The following SNX29 variants were observed in gnomAD, a reference collection of about 807,000 sequenced individuals.
SNX29 encodes sorting nexin 29.
Under a neutral mutation model 102.1 loss-of-function variants are expected in SNX29, and 78 were observed. The ratio of observed to expected loss-of-function variants is 0.76; its 90% CI spans 0.64 to 0.92. The LOEUF is 0.92. Ranked by LOEUF, SNX29 falls within the 40% of genes least tolerant of loss-of-function variation. The probability of loss-of-function intolerance (pLI) is 0.00; values close to 1 mark genes in which losing one functional copy is unlikely to be tolerated. For synonymous variants in SNX29, 580 were observed against 414.5 expected (o/e 1.40, Z -4.85); for missense variants, 1,280 against 1,061.7 (o/e 1.21, Z -2.86).
intron 20 of SNX29, among the ~76,000 whole-genome samples, chr16:12,552,460 C>T (rs1165727901): frequency 2.6e-5 from 4 of 152,174 alleles, no homozygotes; most frequent in Admixed American, 1.3e-4. Context: ...ACCTCGGGTC[C>T]ATCTCATCAC....
At chr16:12,516,227 C>G (rs1046929156) in intron 19 of SNX29, among the ~76,000 whole-genome samples, 11 of 152,278 alleles carry the variant, frequency 7.2e-5, no homozygotes, top group Non-Finnish European at 8.8e-5. Context: ...CACCTGTGAT[C>G]TCAGCACTCT....
intron 20 of SNX29, among the ~76,000 whole-genome samples, chr16:12,558,943 C>A (rs542737709): frequency 3.3e-5 from 5 of 152,190 alleles, no homozygotes; most frequent in Non-Finnish European, 4.4e-5. Context: ...GGGTTGATAT[C>A]GGCCCCATGT....
rs9673974 is a variant in SNX29 at position 12,572,345 on chromosome 16, T to A, written c.*3716T>A. ...GAGTGAAGCCCACCAGCCTGCCTGG[T>A]TGATGGACAGCAGGCTCTGCCTTCT... On this transcript the variant is annotated 3_prime_UTR_variant, in exon 21 of 21. Transcript: ENST00000566228. 2,688 of 1,062,936 alleles carry A rather than the reference T, an allele frequency of 2.5e-3. 10 individuals are homozygous for A. Among genetic ancestry groups the A allele is most frequent in the Admixed American group, 3.2e-3 (60 of 18,686 alleles). 65.8% of individuals were successfully genotyped at this position (1,062,936 alleles called of 1,614,324 possible). A position where few individuals can be genotyped will look rare whatever the true frequency, so the allele number is the denominator to read the frequency against.
Position 11,982,332 on chromosome 16 carries a change from A to G in SNX29, c.7+5519A>G, listed in dbSNP as rs192598120. Among the ~76,000 whole-genome samples the G allele has an allele frequency of 5.3e-5, 8 of 152,188 alleles. No individual in the cohort carries two copies. In the East Asian group the frequency reaches 1.4e-3, roughly 26 times the overall value. On this transcript the variant is annotated intron_variant, in intron 1 of 20. Transcript: ENST00000566228. ...GATATGTGTTTGTTGTTACTGGGAAAGTAGAACTCGTAGAGCCAGAAAGTC... is the reference window on the plus strand; with the variant it reads ...GATATGTGTTTGTTGTTACTGGGAAGGTAGAACTCGTAGAGCCAGAAAGTC...
intron 13 of SNX29, among the ~76,000 whole-genome samples, chr16:12,191,062 G>C (rs1012681598): frequency 2.0e-5 from 3 of 152,154 alleles, no homozygotes; most frequent in African/African-American, 7.2e-5. Context: ...ATGGGGATGG[G>C]TTGGTGGAAT....
chr16:12,365,358 G>GTGTGTGTGTGTGTGTA lies in SNX29; in HGVS notation c.1899+9086_1899+9087insGTGTGTGTATGTGTGT, dbSNP rs1485263456. On this transcript the variant is annotated intron_variant, in intron 16 of 20. Transcript: ENST00000566228. ...TGTGTGTGTGTGTGTGTGTGTGTGTGTGTGTGTTTAGCATACTCATCACAT... is the reference window on the plus strand; with the variant it reads ...TGTGTGTGTGTGTGTGTGTGTGTGTGTGTGTGTGTGTGTGTATGTGTGTTTAGCATACTCATCACAT... Among the ~76,000 whole-genome samples the GTGTGTGTGTGTGTGTA allele has an allele frequency of 6.8e-3, 1,020 of 150,426 alleles. 22 individuals are homozygous for GTGTGTGTGTGTGTGTA. In the East Asian group the frequency reaches 0.074, roughly 11 times the overall value.
chr16:12,126,511 G>T (rs2054219996), intron 11 of SNX29, 122 bp from the exon 12 acceptor site: 3 of 1,009,374 alleles, frequency 3.0e-6, no homozygotes, highest in African/African-American at 1.6e-5. Context: ...AGTTATTTTT[G>T]AAAGGGAAAA....
At chr16:12,054,006 C>T (rs1265020262) in intron 8 of SNX29, among the ~76,000 whole-genome samples, 2 of 148,846 alleles carry the variant, frequency 1.3e-5, no homozygotes, top group African/African-American at 2.5e-5. Flanking sequence ...CTTGCTCTGT[C>T]GCCCAGGCTG....
At chr16:12,482,968 CTCCCTGGAGGTG>C (rs1414709701) in intron 19 of SNX29, among the ~76,000 whole-genome samples, 24 of 152,280 alleles carry the variant, frequency 1.6e-4, no homozygotes, top group Middle Eastern at 3.4e-3. Context: ...ACCCAGAGCT[CTCCCTGGAGGTG>C]TCCATGCCTT....
chr16:12,295,684 A>C (rs2079958172), intron 15 of SNX29, among the ~76,000 whole-genome samples: 1 of 152,150 alleles, frequency 6.6e-6, no homozygotes, highest in African/African-American at 2.4e-5. Context: ...GTTTCAATTC[A>C]CTTATTTCTC....
intron 18 of SNX29, among the ~76,000 whole-genome samples, chr16:12,423,589 G>A (rs1011906612): frequency 6.6e-6 from 1 of 152,018 alleles, no homozygotes; most frequent in Non-Finnish European, 1.5e-5. Context: ...TCTTCTTCTC[G>A]AGATGGAGTC....
intron 20 of SNX29, among the ~76,000 whole-genome samples, chr16:12,536,817 A>G (rs1209543275): frequency 2.0e-5 from 3 of 152,088 alleles, no homozygotes; most frequent in African/African-American, 4.8e-5. Flanking sequence ...CTCTATTAAA[A>G]CTGCAAAAAT....
rs537127373 is a variant in SNX29, at chr16:12,301,535, G to T, written c.1782+23499G>T. 1.4e-3 allele frequency among the ~76,000 whole-genome samples: 212 copies of T among 152,318 alleles called. 1 individual carries two copies. The highest frequency in any genetic ancestry group is 2.6e-3 in the Non-Finnish European group (179 of 68,028). On this transcript the variant is annotated intron_variant, in intron 15 of 20. Coordinates refer to ENST00000566228, the MANE Select transcript of SNX29 (RefSeq NM_032167.5). The stretch of plus-strand genomic sequence containing the variant: ...CCTGGCAGTCCAGTCTGATCCAATG[G>T]TGCCTTCTGTCTGACTAATCCATTG...
At chr16:12,464,131 C>T (rs1249638055) in intron 18 of SNX29, among the ~76,000 whole-genome samples, 3 of 151,662 alleles carry the variant, frequency 2.0e-5, no homozygotes, top group East Asian at 1.9e-4. Flanking sequence ...CTTTCTGTGT[C>T]TGGCTTATTT....
intron 15 of SNX29, among the ~76,000 whole-genome samples, chr16:12,347,114 G>A (rs1040412760): frequency 1.3e-5 from 2 of 152,098 alleles, no homozygotes. Context: ...TGAGTGCTGA[G>A]GGGCTTGTTG....
intron 20 of SNX29, chr16:12,560,899 T>C (rs3751784): frequency 0.35 from 68,210 of 193,552 alleles, 15,011 homozygotes; most frequent in African/African-American, 0.62. Flanking sequence ...GCAGTGGCTT[T>C]TTTAATCCTT....
intron 15 of SNX29, among the ~76,000 whole-genome samples, chr16:12,310,118 A>ATACACACATG (rs1555508509): frequency 3.6e-5 from 1 of 27,748 alleles, no homozygotes; most frequent in South Asian, 4.2e-4. Flanking sequence ...ATACACGTGC[A>ATACACACATG]CGCACACATG....
At chr16:12,135,135 A>G (rs758175436) in intron 13 of SNX29, among the ~76,000 whole-genome samples, 43 of 152,294 alleles carry the variant, frequency 2.8e-4, no homozygotes, top group Middle Eastern at 6.8e-3. Context: ...CTTGGAATGG[A>G]TGATGCTTGC....
chr16:12,534,984 T>A (rs1160251430), intron 20 of SNX29, among the ~76,000 whole-genome samples: 1 of 152,142 alleles, frequency 6.6e-6, no homozygotes, highest in Non-Finnish European at 1.5e-5. Flanking sequence ...GTCATTAGTG[T>A]GAAGGTTGAG....
Sources: allele counts gnomAD v4.1 joint callset (sites outside exome capture counted in the v4.1 genomes callset), GRCh38; gene constraint gnomAD v4.1.1; transcripts MANE v1.5; gene names NCBI Gene and HGNC (gene_info 2026-07-23, HGNC 2026-07-21).